MAP3K15: variants seen among roughly 807,000 people sequenced by gnomAD.
MAP3K15 encodes mitogen-activated protein kinase kinase kinase 15.
Under a neutral mutation model 99.5 loss-of-function variants are expected in MAP3K15, and 124 were observed. The ratio of observed to expected loss-of-function variants is 1.25; its 90% confidence interval spans 1.08 to 1.45. The LOEUF (loss-of-function observed/expected upper bound fraction) is 1.45. MAP3K15 is among the 40% of genes most tolerant of loss of function. The probability of loss-of-function intolerance (pLI) is 0.00; values close to 1 mark genes in which losing one functional copy is unlikely to be tolerated. For missense variants in MAP3K15, 1,242 were observed against 1,079.7 expected, an observed-to-expected ratio of 1.15 and a Z score of -2.11; for synonymous variants, 494 against 439.6, an observed-to-expected ratio of 1.12 and a Z score of -1.55.
chrX:19,371,653 GTC>G, intron 22 of MAP3K15, 123 bp from the exon 23 acceptor site: 1 of 614,976 alleles, frequency 1.6e-6, no homozygotes, highest in African/African-American at 2.2e-5. Context: ...GTGAGAAGGG[GTC>G]TCTGTTTGTT....
At chrX:19,429,483 TA>T (rs1192779771) in intron 7 of MAP3K15, among the ~76,000 whole-genome samples, 1 of 108,750 alleles carries the variant, frequency 9.2e-6, no homozygotes, top group African/African-American at 3.3e-5. Flanking sequence ...CCTAGGAGGG[TA>T]GAGAATAGTA....
intron 6 of MAP3K15, among the ~76,000 whole-genome samples, chrX:19,438,830 C>T (rs1178958777): frequency 8.9e-6 from 1 of 112,269 alleles, no homozygotes; most frequent in Non-Finnish European, 1.9e-5. Context: ...GAGACTTCTG[C>T]TTCCAATTAA....
intron 4 of MAP3K15, among the ~76,000 whole-genome samples, chrX:19,461,862 G>T (rs1419235730): frequency 9.0e-6 from 1 of 110,518 alleles, no homozygotes; most frequent in Non-Finnish European, 1.9e-5. Context: ...TTGGTGGTGG[G>T]TGCCTGTAAT....
At chrX:19,380,430 AAAAAC>A (rs1369371768) in intron 18 of MAP3K15, among the ~76,000 whole-genome samples, 153 bp from the exon 19 acceptor site, 2 of 112,144 alleles carry the variant, frequency 1.8e-5, no homozygotes, top group Non-Finnish European at 3.8e-5. Flanking sequence ...ACCTTGTCTC[AAAAAC>A]AAAACAAAAC....
At chrX:19,363,340 C>G (rs2063309160) in intron 25 of MAP3K15, among the ~76,000 whole-genome samples, 1 of 112,214 alleles carries the variant, frequency 8.9e-6, no homozygotes, top group South Asian at 3.7e-4. Flanking sequence ...ACGGAATCTG[C>G]TGGCACCTCG....
chrX:19,400,011 C>A (rs1007715488), intron 14 of MAP3K15, among the ~76,000 whole-genome samples: 2 of 111,233 alleles, frequency 1.8e-5, no homozygotes, highest in African/African-American at 6.5e-5. Flanking sequence ...TTCAGTCTAA[C>A]CTGAAAGTAC....
chrX:19,464,586 C>T (rs182649385), intron 3 of MAP3K15, among the ~76,000 whole-genome samples, 180 bp from the exon 4 acceptor site: 17 of 111,342 alleles, frequency 1.5e-4, no homozygotes, highest in Admixed American at 2.9e-4. Flanking sequence ...AAAAGCTCTA[C>T]CACGTAGATA....
At position 19,413,349 on chromosome X, in the gene MAP3K15, C is replaced by T. The variant is rs371080894; in HGVS notation, c.1698+8G>A. On this transcript the variant is annotated splice_region_variant and intron_variant, in intron 11 of 28. Transcript: ENST00000338883. ...CTGATTAAATTGCTTGTGATTTTTC[C>T]TCCTTACCATTTCTGTGGGTGAGAC... The T allele has an allele frequency of 5.2e-6, 6 of 1,163,859 alleles. No individual in the cohort carries two copies. In the African/African-American group the frequency reaches 7.2e-5, roughly 14 times the overall value.
chrX:19,380,349 T>C, intron 18 of MAP3K15, 72 bp from the exon 19 acceptor site: 1 of 1,096,933 alleles, frequency 9.1e-7, no homozygotes, highest in Non-Finnish European at 1.2e-6. Context: ...TAGTCCCAGC[T>C]ACTCGGGAGG....
chrX:19,476,886 C>T (rs988826248), intron 3 of MAP3K15, among the ~76,000 whole-genome samples: 22 of 111,730 alleles, frequency 2.0e-4, no homozygotes, highest in African/African-American at 6.8e-4. Flanking sequence ...TCATTAAAAT[C>T]ATCTCATTTA....
At chrX:19,514,869 T>C (rs770001209) in intron 1 of MAP3K15, 32 bp downstream of exon 1, 57 of 957,126 alleles carry the variant, frequency 6.0e-5, no homozygotes, top group South Asian at 5.7e-4. Context: ...GTAGGTGAAC[T>C]GGGACTGAGG....
chrX:19,371,610 G>A, intron 22 of MAP3K15, 80 bp from the exon 23 acceptor site: 3 of 933,902 alleles, frequency 3.2e-6, no homozygotes, highest in Non-Finnish European at 4.4e-6. Context: ...AAACAAGATG[G>A]TCCATTTGCT....
At position 19,392,361 on chromosome X, in the gene MAP3K15, G is replaced by A. The variant is rs757714655; in HGVS notation, c.2307C>T (p.Ile769=). The A allele has an allele frequency of 5.8e-6, 7 of 1,208,283 alleles. No homozygotes were observed. The highest frequency in any genetic ancestry group is 2.3e-4 in the Middle Eastern group (1 of 4,329). Residue 769 remains isoleucine (I), a synonymous_variant, in exon 17 of 29, where the codon ATC becomes ATT. Transcript: ENST00000338883. ...CAAGTACCTTTATGTCTCTGTGCAC[G>A]ATCTGGTTTTCATGAAGATACTTAA... ...EGLKYLHENQ[I]VHRDIKGDNV...
intron 16 of MAP3K15, among the ~76,000 whole-genome samples, chrX:19,394,718 C>T (rs1188615193): frequency 1.0e-5 from 1 of 98,022 alleles, no homozygotes; most frequent in Non-Finnish European, 2.0e-5. Context: ...ACTGCATCAA[C>T]AAACCAGAAA....
intron 3 of MAP3K15, among the ~76,000 whole-genome samples, chrX:19,466,919 A>C (rs1046615569): frequency 1.8e-5 from 2 of 112,072 alleles, no homozygotes; most frequent in Non-Finnish European, 3.8e-5. Flanking sequence ...CCCATGGACC[A>C]CATATGGCCC....
intron 6 of MAP3K15, among the ~76,000 whole-genome samples, chrX:19,448,380 A>G (rs927457032): frequency 9.1e-6 from 1 of 109,492 alleles, no homozygotes; most frequent in Non-Finnish European, 1.9e-5. Flanking sequence ...TGAGGCTGGT[A>G]ACTGCAATAC....
intron 25 of MAP3K15, among the ~76,000 whole-genome samples, chrX:19,366,534 T>C (rs139309286): frequency 2.1e-3 from 238 of 111,656 alleles, no homozygotes; most frequent in Admixed American, 4.6e-3. Context: ...GTTTCCCCCA[T>C]ACTGTTCTCA....
intron 11 of MAP3K15, among the ~76,000 whole-genome samples, chrX:19,410,358 G>T (rs745665803): frequency 1.8e-5 from 2 of 112,295 alleles, no homozygotes; most frequent in African/African-American, 6.5e-5. Flanking sequence ...GCAAGACTGC[G>T]ACAGACACCT....
intron 4 of MAP3K15, among the ~76,000 whole-genome samples, chrX:19,461,325 ACTCAAGTGATCCAC>A (rs1312000524): frequency 9.1e-6 from 1 of 110,166 alleles, no homozygotes; most frequent in African/African-American, 3.3e-5. Context: ...AAACTCCTGG[ACTCAAGTGATCCAC>A]CTGCCTCAGC....
Sources: allele counts gnomAD v4.1 joint callset (sites outside exome capture counted in the v4.1 genomes callset), GRCh38; gene constraint gnomAD v4.1.1; transcripts MANE v1.5; gene names NCBI Gene and HGNC (gene_info 2026-07-23, HGNC 2026-07-21).